The following USH2A variants were observed in gnomAD, a reference collection of about 807,000 sequenced individuals.
USH2A encodes Usher syndrome 2A (autosomal recessive, mild).
Under a neutral mutation model 538.9 loss-of-function variants are expected in USH2A, and 443 were observed. The observed-to-expected ratio is 0.82, with a 90% confidence interval of 0.76 to 0.89. The LOEUF (loss-of-function observed/expected upper bound fraction) is 0.89. Ranked by LOEUF, USH2A falls within the 40% of genes least tolerant of loss-of-function variation. The probability of loss-of-function intolerance (pLI) is 0.00; values close to 1 mark genes in which losing one functional copy is unlikely to be tolerated. For synonymous variants in USH2A, 2,413 were observed against 2,273.5 expected, an observed-to-expected ratio of 1.06 and a Z score of -1.75; for missense variants, 6,633 against 6,324.8, an observed-to-expected ratio of 1.05 and a Z score of -1.65.
At position 216,320,048 on chromosome 1, in the gene USH2A, A is replaced by G. The variant is rs1450346363; in HGVS notation, c.1644+1835T>C. Among the ~76,000 whole-genome samples the G allele has an allele frequency of 2.0e-5, 3 of 152,272 alleles. No homozygotes were observed. The East Asian group carries it at 5.8e-4, about 29-fold the overall frequency. On this transcript the variant is annotated intron_variant, in intron 9 of 71. Coordinates refer to ENST00000307340, the MANE Select transcript of USH2A (RefSeq NM_206933.4). ...TATAAGCCCATATTTATGTAACAAA[A>G]TGATAGAAATATAAGCATTTTATAT...
In USH2A at chr1:215,674,855, C is replaced by T. The variant is rs1312783821; in HGVS notation, c.13056G>A (p.Leu4352=). The change falls in exon 63 of 72, where the codon CTG becomes CTA. Residue 4352 remains leucine (L), a synonymous_variant. Transcript: ENST00000307340. ...STSKPTSITT[L]EAAPSEVSPP... ...GGCTGACTTCTGATGGAGCAGCCTC[C>T]AGAGTTGTGATGCTGGTGGGTTTGC... 1.2e-6 allele frequency: 2 copies of T among 1,614,118 alleles called. No individual in the cohort carries two copies. The highest frequency in any genetic ancestry group is 2.2e-5 in the East Asian group (1 of 44,870).
At chr1:215,681,910 AT>A (rs1219839350) in intron 61 of USH2A, among the ~76,000 whole-genome samples, 2 of 152,198 alleles carry the variant, frequency 1.3e-5, no homozygotes, top group African/African-American at 4.8e-5. Context: ...TTGCTGAGCA[AT>A]CAGACTCTGA....
At chr1:215,816,368 G>A (rs192737817) in intron 48 of USH2A, among the ~76,000 whole-genome samples, 10 of 152,144 alleles carry the variant, frequency 6.6e-5, no homozygotes, top group Non-Finnish European at 1.3e-4. Context: ...TATTGCTTCA[G>A]TAACTCACTT....
At chr1:215,982,354 A>C (rs900506420) in intron 35 of USH2A, among the ~76,000 whole-genome samples, 1 of 152,182 alleles carries the variant, frequency 6.6e-6, no homozygotes, top group Non-Finnish European at 1.5e-5. Flanking sequence ...GTATGAGTTA[A>C]AGTTTTACTT....
intron 11 of USH2A, among the ~76,000 whole-genome samples, chr1:216,262,641 G>C (rs935662809): frequency 4.0e-5 from 6 of 151,888 alleles, no homozygotes; most frequent in Admixed American, 3.9e-4. Context: ...ATGACAAAAA[G>C]GGTAATAAAA....
intron 9 of USH2A, among the ~76,000 whole-genome samples, chr1:216,299,607 A>T (rs1352998706): frequency 6.6e-6 from 1 of 152,128 alleles, no homozygotes; most frequent in Non-Finnish European, 1.5e-5. Flanking sequence ...AGAGCAAATA[A>T]AATGTAACTG....
intron 70 of USH2A, chr1:215,629,947 TG>T: frequency 6.0e-6 from 2 of 334,166 alleles, no homozygotes; most frequent in Non-Finnish European, 5.9e-6. Context: ...GGCTAATTTT[TG>T]GTATTTTTAG....
At position 216,325,431 on chromosome 1, in the gene USH2A, G is replaced by A; in HGVS notation, c.1017C>T (p.Ala339=). The change falls in exon 6 of 72, where the codon GCC becomes GCT. Residue 339 remains alanine (A), a synonymous_variant. Coordinates refer to ENST00000307340, the MANE Select transcript of USH2A (RefSeq NM_206933.4). ...TATCATTGACAAAAGAGAGAGGATG[G>A]GCTTCAGGATTCAACCGTGACACTC... The part of the protein sequence containing the change: ...DNRVSRLNPE[A]HPLSFVNDND... 1.2e-6 allele frequency: 2 copies of A among 1,613,840 alleles called. No individual in the cohort carries two copies. The highest frequency in any genetic ancestry group is 1.7e-6 in the Non-Finnish European group (2 of 1,179,912).
intron 37 of USH2A, among the ~76,000 whole-genome samples, chr1:215,951,030 G>A (rs946775515): frequency 2.0e-5 from 3 of 152,056 alleles, no homozygotes; most frequent in Non-Finnish European, 2.9e-5. Context: ...TTTTTTTGAA[G>A]GGTTTTTTGT....
Position 215,674,774 on chromosome 1 carries a change from G to A in USH2A, c.13137C>T (p.Pro4379=). ...TAGTAATCTTTCCATTTTGCACTGTGGGCGGTGACCAACATACATTCATTT... is the reference window on the plus strand; with the variant it reads ...TAGTAATCTTTCCATTTTGCACTGTAGGCGGTGACCAACATACATTCATTT... ...ATQMNVCWSP[P]TVQNGKITKY... Residue 4379 remains proline (P), a synonymous_variant, in exon 63 of 72, where the codon CCC becomes CCT. Coordinates refer to ENST00000307340, the MANE Select transcript of USH2A (RefSeq NM_206933.4). 6.2e-7 allele frequency: 1 copy of A among 1,614,136 alleles called. No homozygotes were observed. Among genetic ancestry groups the A allele is most frequent in the Non-Finnish European group, 8.5e-7 (1 of 1,180,032 alleles).
chr1:215,696,696 C>T (rs763250864), intron 61 of USH2A, among the ~76,000 whole-genome samples: 1 of 152,134 alleles, frequency 6.6e-6, no homozygotes, highest in East Asian at 1.9e-4. Context: ...TGTGCCCCTG[C>T]TCTCATTTAT....
At chr1:215,831,402 C>T (rs1186184658) in intron 47 of USH2A, among the ~76,000 whole-genome samples, 5 of 152,108 alleles carry the variant, frequency 3.3e-5, no homozygotes, top group African/African-American at 9.7e-5. Context: ...CTGACAACAA[C>T]AGACTGTACC....
chr1:216,252,314 G>A (rs928454281), intron 11 of USH2A, among the ~76,000 whole-genome samples: 3 of 152,152 alleles, frequency 2.0e-5, no homozygotes, highest in Non-Finnish European at 2.9e-5. Context: ...CTCTTTTATA[G>A]TCCCTGACAT....
chr1:216,148,782 G>A (rs2762675), intron 21 of USH2A, among the ~76,000 whole-genome samples: 4,891 of 149,264 alleles, frequency 0.033, 265 homozygotes, highest in African/African-American at 0.11. Flanking sequence ...ACCCATTATC[G>A]TGTTCTAGAT....
intron 55 of USH2A, among the ~76,000 whole-genome samples, chr1:215,772,653 A>G (rs1661324484): frequency 6.6e-6 from 1 of 152,264 alleles, no homozygotes; most frequent in Non-Finnish European, 1.5e-5. Flanking sequence ...GATGTACTCT[A>G]TAAAGAACAG....
chr1:216,061,857 CT>C (rs2031197166), intron 30 of USH2A, among the ~76,000 whole-genome samples: 2 of 152,298 alleles, frequency 1.3e-5, no homozygotes, highest in East Asian at 3.9e-4. Context: ...AGCACTCCTA[CT>C]CTACCAAACA....
chr1:216,083,172 G>A (rs891303081), intron 26 of USH2A, among the ~76,000 whole-genome samples: 1 of 151,856 alleles, frequency 6.6e-6, no homozygotes, highest in Non-Finnish European at 1.5e-5. Flanking sequence ...GGGAAATAGT[G>A]TTTTTCATAT....
chr1:215,679,401 T>C (rs1273418482), intron 62 of USH2A, among the ~76,000 whole-genome samples: 1 of 152,092 alleles, frequency 6.6e-6, no homozygotes, highest in Admixed American at 6.5e-5. Context: ...AGAAGGTAGT[T>C]GATGAGGGCC....
At chr1:216,026,987 C>T (rs1413265292) in intron 32 of USH2A, among the ~76,000 whole-genome samples, 1 of 152,152 alleles carries the variant, frequency 6.6e-6, no homozygotes, top group Non-Finnish European at 1.5e-5. Flanking sequence ...GCTTTATCCC[C>T]TCAAAAACTT....
Sources: gnomAD v4.1 joint callset for allele counts (sites outside exome capture counted in the v4.1 genomes callset) on GRCh38, gnomAD v4.1.1 for gene constraint, MANE v1.5 for transcripts, NCBI Gene and HGNC (gene_info 2026-07-23, HGNC 2026-07-21) for gene names.